Variants in NCOR1 observed in about 807,000 individuals in gnomAD.
The protein encoded by NCOR1 is nuclear receptor corepressor 1.
In NCOR1, 63 loss-of-function variants were observed where a neutral mutation model predicts 288.1. The observed-to-expected ratio is 0.22, with a 90% CI of 0.18 to 0.27. The LOEUF (loss-of-function observed/expected upper bound fraction) is 0.27. Ranked by LOEUF, NCOR1 falls within the 10% of genes least tolerant of loss-of-function variation. NCOR1 has a pLI of 1.00. For synonymous variants in NCOR1, 1,007 were observed against 1,065.9 expected, an observed-to-expected ratio of 0.94 and a Z score of 1.08; for missense variants, 2,397 against 3,019.2, an observed-to-expected ratio of 0.79 and a Z score of 4.83.
chr17:16,206,374 A>T (rs1053983481), intron 1 of NCOR1, among the ~76,000 whole-genome samples: 1 of 151,728 alleles, frequency 6.6e-6, no homozygotes, highest in South Asian at 2.1e-4. Flanking sequence ...AAGTTGATTA[A>T]GCAAATTACA....
chr17:16,202,735 C>T (rs2090998285), intron 1 of NCOR1, among the ~76,000 whole-genome samples: 1 of 152,090 alleles, frequency 6.6e-6, no homozygotes, highest in Admixed American at 6.6e-5. Context: ...GAGACAGATA[C>T]CTTAAAGATC....
intron 1 of NCOR1, among the ~76,000 whole-genome samples, chr17:16,203,522 C>CT (rs1254368663): frequency 6.6e-6 from 1 of 152,178 alleles, no homozygotes; most frequent in Non-Finnish European, 1.5e-5. Flanking sequence ...TCTAACCACG[C>CT]TACATATAAG....
intron 3 of NCOR1, among the ~76,000 whole-genome samples, chr17:16,185,352 A>C (rs1481068030): frequency 6.6e-6 from 1 of 152,180 alleles, no homozygotes; most frequent in Non-Finnish European, 1.5e-5. Flanking sequence ...CGTATCCCAT[A>C]ACATCATGTT....
At chr17:16,092,579 T>C (rs1347686938) in intron 21 of NCOR1, among the ~76,000 whole-genome samples, 1 of 145,966 alleles carries the variant, frequency 6.9e-6, no homozygotes, top group Non-Finnish European at 1.5e-5. Context: ...TTCTAATTTA[T>C]GGCAGCCAAG....
At chr17:16,040,874 A>G (rs2057428184) in intron 42 of NCOR1, 1 of 192,476 alleles carries the variant, frequency 5.2e-6, no homozygotes, top group South Asian at 9.7e-5. Flanking sequence ...CTGTTTACCA[A>G]AAATAAATAA....
chr17:16,080,312 G>C lies in NCOR1; in HGVS notation c.3400+96C>G, dbSNP rs2063206482. The C allele has an allele frequency of 2.8e-6, 3 of 1,082,720 alleles. No homozygotes were observed. In the African/African-American group the frequency reaches 4.8e-5, roughly 17 times the overall value. 67.1% of individuals were successfully genotyped at this position (1,082,720 alleles called of 1,614,324 possible). On this transcript the variant is annotated intron_variant, in intron 25 of 45. Transcript: ENST00000268712. The stretch of plus-strand genomic sequence containing the variant: ...ACAAATTTAGAATTTAAAGACTATA[G>C]TTAAAAAAGCCCATCATTAAAATAT...
chr17:16,194,595 C>A lies in NCOR1; in HGVS notation c.-26G>T. The A allele has an allele frequency of 2.1e-6, 3 of 1,398,332 alleles. No individual in the cohort carries two copies. The highest frequency in any genetic ancestry group is 3.0e-6 in the Non-Finnish European group (3 of 998,468). The allele number at this position is 1,398,332 out of a possible 1,614,324, so 86.6% of individuals were successfully genotyped here. A position where few individuals can be genotyped will look rare whatever the true frequency, so the allele number is the denominator to read the frequency against. ...TATCAGTAAAGAAGTCCTCACCAGA[C>A]TGTGAGATCAATGCCAATAAACAAT... On this transcript the variant is annotated 5_prime_UTR_variant, in exon 2 of 46. Coordinates refer to ENST00000268712, the MANE Select transcript of NCOR1 (RefSeq NM_006311.4).
At chr17:16,133,199 C>T (rs921716596) in intron 14 of NCOR1, among the ~76,000 whole-genome samples, 1 of 152,158 alleles carries the variant, frequency 6.6e-6, no homozygotes, top group African/African-American at 2.4e-5. Flanking sequence ...GAATTCCTGA[C>T]CTCAAGTGAT....
Position 16,071,143 on chromosome 17 carries a change from A to C in NCOR1, c.4152+266T>G, listed in dbSNP as rs529786296. On this transcript the variant is annotated intron_variant, in intron 30 of 45. Coordinates refer to ENST00000268712, the MANE Select transcript of NCOR1 (RefSeq NM_006311.4). ...AAAAATACAAAAATTCTGGGTGTGG[A>C]GGTACATGCCTGTAGTCCTAGCTAC... 2.7e-5 allele frequency among the ~76,000 whole-genome samples: 4 copies of C among 147,412 alleles called. 1 individual carries two copies. Among genetic ancestry groups the C allele is most frequent in the African/African-American group, 1.0e-4 (4 of 39,686 alleles).
At chr17:16,208,206 A>ATTTTTTTTTTTTTTTTT (rs757019446) in intron 1 of NCOR1, among the ~76,000 whole-genome samples, 45 of 65,528 alleles carry the variant, frequency 6.9e-4, no homozygotes, top group African/African-American at 9.2e-4. Context: ...ATGCCCAGCT[A>ATTTTTTTTTTTTTTTTT]TTTTTTTTTT....
chr17:16,109,787 T>C (rs1026018293), intron 18 of NCOR1, among the ~76,000 whole-genome samples: 3 of 152,032 alleles, frequency 2.0e-5, no homozygotes, highest in Admixed American at 1.3e-4. Context: ...CAGGCTGGAG[T>C]GCAGTGGCAG....
chr17:16,210,591 T>A (rs1380819339), intron 1 of NCOR1, among the ~76,000 whole-genome samples: 48 of 152,174 alleles, frequency 3.2e-4, no homozygotes, highest in Admixed American at 3.1e-3. Flanking sequence ...TTCCTGGTGA[T>A]CACTGTAACA....
At chr17:16,083,182 G>A (rs545006653) in intron 23 of NCOR1, among the ~76,000 whole-genome samples, 3 of 151,298 alleles carry the variant, frequency 2.0e-5, no homozygotes, top group South Asian at 2.1e-4. Flanking sequence ...GCAGTGAGCC[G>A]AGATCGTGTC....
intron 22 of NCOR1, 104 bp downstream of exon 22, chr17:16,091,759 C>G: frequency 6.4e-7 from 1 of 1,566,178 alleles, no homozygotes; most frequent in Non-Finnish European, 8.7e-7. Context: ...ATATAATAAT[C>G]AGTTGGGAGG....
intron 19 of NCOR1, chr17:16,108,240 G>C (rs374825028): frequency 3.1e-6 from 1 of 324,138 alleles, no homozygotes; most frequent in African/African-American, 2.2e-5. Context: ...AATAAATTAG[G>C]TATCTTTTTT....
intron 31 of NCOR1, among the ~76,000 whole-genome samples, chr17:16,069,850 G>A (rs937425267): frequency 1.1e-4 from 17 of 152,274 alleles, no homozygotes; most frequent in African/African-American, 2.6e-4. Context: ...CCACACTGCC[G>A]CTGAAGGAAC....
rs530954445 is a variant in NCOR1, at chr17:16,080,509, G to T, written c.3299C>A (p.Ala1100Asp). The part of the protein sequence containing the change: ...LPRQQESAKS[A>D]TLPYIKQEEF... ...TTCCTGCTTGATGTAGGGCAAAGTA[G>T]CTGTGGAAAGGCAGAGAAACATGAA... Residue 1100 changes from alanine to aspartate, a missense_variant and splice_region_variant, in exon 25 of 46, where the codon GCT becomes GAT. Ala to Asp is a moderately radical substitution (Grantham distance 126, BLOSUM62 -2). Around this residue, in one of 11 missense-constraint regions of NCOR1, gnomAD observed 1,872 missense variants for 2,187.8 expected, o/e 0.86. Coordinates refer to ENST00000268712, the MANE Select transcript of NCOR1 (RefSeq NM_006311.4). 6.2e-7 allele frequency: 1 copy of T among 1,614,030 alleles called. No individual in the cohort carries two copies. Among genetic ancestry groups the T allele is most frequent in the Admixed American group, 1.7e-5 (1 of 60,006 alleles).
At chr17:16,108,670 C>A in intron 19 of NCOR1, 116 bp downstream of exon 19, 1 of 803,040 alleles carries the variant, frequency 1.2e-6, no homozygotes. Context: ...GTCTCCACAC[C>A]ATGAAAACAC....
intron 28 of NCOR1, among the ~76,000 whole-genome samples, chr17:16,072,513 G>C (rs1410056604): frequency 1.3e-5 from 2 of 152,096 alleles, no homozygotes; most frequent in African/African-American, 2.4e-5. Context: ...TTTATCAAGA[G>C]GAAAGAAGAT....
Sources: gnomAD v4.1 joint callset for allele counts (sites outside exome capture counted in the v4.1 genomes callset) on GRCh38, gnomAD v4.1.1 for gene constraint, gnomAD v4.1.1 regional missense constraint, MANE v1.5 for transcripts, NCBI Gene and HGNC (gene_info 2026-07-23, HGNC 2026-07-21) for gene names.